COLQ: variants seen among roughly 807,000 people sequenced by gnomAD.
COLQ encodes the protein collagen like tail subunit of asymmetric acetylcholinesterase, also known as acetylcholinesterase collagenic tail peptide.
A neutral mutation model predicts 69.0 loss-of-function variants in COLQ; 48 were observed. That is an observed-to-expected ratio of 0.70 (90% CI 0.55 to 0.88). The LOEUF (loss-of-function observed/expected upper bound fraction) is 0.88, where lower values mean the gene tolerates loss of function less well. Ranked by LOEUF, COLQ falls within the 40% of genes least tolerant of loss-of-function variation. COLQ has a pLI of 0.00. For synonymous variants in COLQ, 217 were observed against 211.2 expected (o/e 1.03, Z -0.24); for missense variants, 618 against 594.6 (o/e 1.04, Z -0.41).
chr3:15,492,991 C>T (rs1430648513), intron 1 of COLQ, among the ~76,000 whole-genome samples: 3 of 152,192 alleles, frequency 2.0e-5, no homozygotes, highest in African/African-American at 7.2e-5. Flanking sequence ...AGCATCCACT[C>T]CAGGTCATAC....
intron 5 of COLQ, 180 bp from the exon 6 acceptor site, chr3:15,477,377 T>C: frequency 3.2e-6 from 2 of 619,170 alleles, no homozygotes; most frequent in South Asian, 3.8e-5. Flanking sequence ...CACTGTATCA[T>C]CAAATAAGAC....
At chr3:15,494,014 C>G (rs1328878522) in intron 1 of COLQ, among the ~76,000 whole-genome samples, 1 of 152,140 alleles carries the variant, frequency 6.6e-6, no homozygotes, top group African/African-American at 2.4e-5. Context: ...ACTTGGGAGG[C>G]AGAGGTTTCA....
rs1025361623 is a variant in COLQ, at chr3:15,453,898, C to T, written c.1229G>A (p.Arg410Gln). 3.7e-6 allele frequency: 6 copies of T among 1,611,154 alleles called. No individual in the cohort carries two copies. The highest frequency in any genetic ancestry group is 4.5e-5 in the East Asian group (2 of 44,734). The change falls in exon 16 of 17, where the codon CGG (arginine) becomes CAG (glutamine). Residue 410 changes from arginine to glutamine, a missense_variant. Arg to Gln is a conservative substitution (Grantham distance 43). Coordinates refer to ENST00000383788, the MANE Select transcript of COLQ (RefSeq NM_005677.4). The stretch of plus-strand genomic sequence containing the variant: ...GTCACAGTCCTCCACACCCTCATGC[C>T]GGTGACCATCTCCACAGTAGGCACG... ...CHRAYCGDGH[R>Q]HEGVEDCDGS...
At chr3:15,459,798 T>C (rs1046130740) in intron 12 of COLQ, among the ~76,000 whole-genome samples, 4 of 151,574 alleles carry the variant, frequency 2.6e-5, no homozygotes, top group African/African-American at 9.7e-5. Context: ...TATTTTATTA[T>C]TATTATTATT....
intron 1 of COLQ, among the ~76,000 whole-genome samples, chr3:15,509,455 G>A (rs193101424): frequency 2.6e-5 from 4 of 152,338 alleles, no homozygotes; most frequent in Admixed American, 6.5e-5. Context: ...TAGAAGGGGA[G>A]AAGCTTTCTC....
At chr3:15,472,034 A>C (rs1301061751) in intron 10 of COLQ, among the ~76,000 whole-genome samples, 1 of 151,430 alleles carries the variant, frequency 6.6e-6, no homozygotes, top group Admixed American at 6.6e-5. Context: ...AGCTTGAAGC[A>C]GTCAGGAATT....
At chr3:15,480,099 T>C (rs1368195876) in intron 3 of COLQ, among the ~76,000 whole-genome samples, 1 of 152,154 alleles carries the variant, frequency 6.6e-6, no homozygotes, top group Admixed American at 6.5e-5. Flanking sequence ...AGAGAGGAAA[T>C]TCATCAAAAT....
chr3:15,512,481 G>A (rs2063000471), intron 1 of COLQ, among the ~76,000 whole-genome samples: 1 of 152,204 alleles, frequency 6.6e-6, no homozygotes, highest in Non-Finnish European at 1.5e-5. Flanking sequence ...CGGTCACCAC[G>A]AGAAGCCTCC....
At chr3:15,509,419 G>T (rs995612788) in intron 1 of COLQ, among the ~76,000 whole-genome samples, 2 of 152,220 alleles carry the variant, frequency 1.3e-5, no homozygotes, top group African/African-American at 4.8e-5. Flanking sequence ...GCCTTGTGGG[G>T]TTTCCTCCTA....
intron 1 of COLQ, chr3:15,499,011 TC>T: frequency 9.4e-7 from 1 of 1,060,062 alleles, no homozygotes; most frequent in Non-Finnish European, 1.2e-6. Flanking sequence ...CTGGTAAGCC[TC>T]AAAGTCAACC....
intron 3 of COLQ, among the ~76,000 whole-genome samples, chr3:15,482,737 G>A (rs1468820031): frequency 6.6e-6 from 1 of 152,192 alleles, no homozygotes; most frequent in Non-Finnish European, 1.5e-5. Flanking sequence ...AATGAGTTAG[G>A]GAGGATTCCC....
intron 1 of COLQ, among the ~76,000 whole-genome samples, chr3:15,518,398 G>A (rs910518714): frequency 2.0e-5 from 3 of 152,072 alleles, no homozygotes; most frequent in Non-Finnish European, 2.9e-5. Context: ...TTCAAGTCAC[G>A]GACTATCTAT....
At chr3:15,504,067 GTGC>G (rs1343225843) in intron 1 of COLQ, among the ~76,000 whole-genome samples, 1 of 151,972 alleles carries the variant, frequency 6.6e-6, no homozygotes, top group Non-Finnish European at 1.5e-5. Context: ...TCAATCAGGT[GTGC>G]TGGTGGTCTT....
chr3:15,488,214 C>T lies in COLQ; in HGVS notation c.313G>A (p.Gly105Ser), dbSNP rs201507876. 11 of 1,612,004 alleles carry T rather than the reference C, an allele frequency of 6.8e-6. No individual in the cohort carries two copies. Among genetic ancestry groups the T allele is most frequent in the East Asian group, 4.5e-5 (2 of 44,888 alleles). Residue 105 changes from glycine (G) to serine (S), a missense_variant, in exon 3 of 17, where the codon GGC (glycine) becomes AGC (serine). By Grantham distance (56) the Gly-to-Ser change is moderately conservative. Transcript: ENST00000383788. ...CGGTAGAGTGCACCAACCTGGGGGC[C>T]GGGAGGCCCAGGGGAGCCTAGCGAG... ...QGSLGSPGPP[G>S]PQGPPGLPGK...
rs551550075 is a variant in COLQ at position 15,489,609 on chromosome 3, A to G, written c.135T>C (p.Arg45=). The G allele has an allele frequency of 8.1e-6, 13 of 1,614,138 alleles. No individual in the cohort carries two copies. Among genetic ancestry groups the G allele is most frequent in the African/African-American group, 8.0e-5 (6 of 75,054 alleles). The change falls in exon 2 of 17, where the codon CGT becomes CGC. Residue 45 remains arginine, a synonymous_variant. Coordinates refer to ENST00000383788, the MANE Select transcript of COLQ (RefSeq NM_005677.4). ...GCAGGCAGCATGCTTTGTGGCCACC[A>G]CGCTTCTTCTGATCCAGGCTGGGAA... ...AALPSLDQKK[R]GGHKACCLLT...
intron 1 of COLQ, among the ~76,000 whole-genome samples, chr3:15,494,973 T>C (rs1286935988): frequency 6.6e-6 from 1 of 152,222 alleles, no homozygotes; most frequent in Non-Finnish European, 1.5e-5. Flanking sequence ...ACTCTTGTTA[T>C]CATCATCTCC....
intron 1 of COLQ, among the ~76,000 whole-genome samples, chr3:15,507,761 A>G (rs918297069): frequency 6.6e-6 from 1 of 152,180 alleles, no homozygotes; most frequent in African/African-American, 2.4e-5. Context: ...AGCCTTCAGC[A>G]TGGTTTTAAT....
intron 12 of COLQ, among the ~76,000 whole-genome samples, chr3:15,461,195 C>T (rs1016892913): frequency 6.8e-6 from 1 of 147,744 alleles, no homozygotes; most frequent in South Asian, 2.2e-4. Flanking sequence ...TTATTCCCCC[C>T]CCGACCTCTT....
intron 1 of COLQ, among the ~76,000 whole-genome samples, chr3:15,508,830 A>G (rs1438216516): frequency 6.6e-6 from 1 of 151,488 alleles, no homozygotes; most frequent in Admixed American, 6.6e-5. Context: ...TATAAATTGT[A>G]TATAATTTTA....
Sources: allele counts gnomAD v4.1 joint callset (sites outside exome capture counted in the v4.1 genomes callset), GRCh38; gene constraint gnomAD v4.1.1; transcripts MANE v1.5; gene names NCBI Gene and HGNC (gene_info 2026-07-23, HGNC 2026-07-21).